The following ASTN2 variants were observed in gnomAD, a reference collection of about 807,000 sequenced individuals.
The protein encoded by ASTN2 is astrotactin-2.
In ASTN2, 54 loss-of-function variants were observed where a neutral mutation model predicts 139.8. The observed-to-expected ratio is 0.39, with a 90% CI of 0.31 to 0.48. The LOEUF is 0.48. Among genes scored for constraint, ASTN2 ranks in the 20% least tolerant of loss-of-function variants. The pLI, the probability that ASTN2 is intolerant of heterozygous loss-of-function variation, is 0.95. For synonymous variants in ASTN2, 756 were observed against 719.5 expected (o/e 1.05, Z -0.81); for missense variants, 1,565 against 1,725.1 (o/e 0.91, Z 1.64).
chr9:116,800,398 C>A (rs1347865901), intron 13 of ASTN2, among the ~76,000 whole-genome samples: 1 of 152,190 alleles, frequency 6.6e-6, no homozygotes, highest in African/African-American at 2.4e-5. Flanking sequence ...TCTTAATGTG[C>A]ACCATGCTTA....
intron 1 of ASTN2, among the ~76,000 whole-genome samples, chr9:117,314,431 C>T (rs960202323): frequency 6.6e-6 from 1 of 151,522 alleles, no homozygotes; most frequent in African/African-American, 2.4e-5. Flanking sequence ...TATAGCCCAC[C>T]CCCCCAATTT....
intron 10 of ASTN2, among the ~76,000 whole-genome samples, chr9:116,942,107 CA>C (rs1158398039): frequency 9.3e-5 from 13 of 139,542 alleles, no homozygotes; most frequent in African/African-American, 3.6e-4. Context: ...CACACACACA[CA>C]CACACACCAC....
rs71379267 is a variant in ASTN2, at chr9:117,144,660, GTTTTTTTTTTTTTTTTTTTT to G, written c.1016-3202_1016-3183del. Among the ~76,000 whole-genome samples the G allele has an allele frequency of 6.1e-3, 475 of 78,338 alleles. 12 individuals are homozygous for G. The highest frequency in any genetic ancestry group is 0.02 in the East Asian group (50 of 2,560). The allele number at this position is 78,338 out of a possible 152,430, so 51.4% of individuals were successfully genotyped here. ...TGACATTTGAGAGGAGTGAACACTA[GTTTTTTTTTTTTTTTTTTTT>G]TTTTTTTTTTTTTTTTTTTGAGATG... is the stretch of plus-strand genomic sequence containing the variant. On this transcript the variant is annotated intron_variant, in intron 3 of 22. Transcript: ENST00000313400.
At chr9:116,527,302 A>G (rs368585748) in intron 19 of ASTN2, among the ~76,000 whole-genome samples, 2 of 152,230 alleles carry the variant, frequency 1.3e-5, no homozygotes, top group South Asian at 2.1e-4. Context: ...TAATATCTAA[A>G]ATATATAAGT....
chr9:117,079,072 A>G (rs1299303716), intron 5 of ASTN2, among the ~76,000 whole-genome samples: 1 of 152,190 alleles, frequency 6.6e-6, no homozygotes, highest in East Asian at 1.9e-4. Context: ...TTTTAAAAAG[A>G]TGGTCGGGTG....
chr9:117,401,789 T>C (rs1830833572), intron 1 of ASTN2, among the ~76,000 whole-genome samples: 1 of 152,212 alleles, frequency 6.6e-6, no homozygotes, highest in African/African-American at 2.4e-5. Flanking sequence ...ACATCTGAAT[T>C]TCATATGATT....
chr9:116,873,789 C>A (rs771882047), intron 10 of ASTN2, among the ~76,000 whole-genome samples: 5 of 152,104 alleles, frequency 3.3e-5, no homozygotes, highest in African/African-American at 1.2e-4. Flanking sequence ...TGAATTCTCA[C>A]GAGATCTGGT....
At chr9:117,125,580 T>C (rs982861394) in intron 4 of ASTN2, among the ~76,000 whole-genome samples, 9 of 152,106 alleles carry the variant, frequency 5.9e-5, no homozygotes, top group African/African-American at 2.2e-4. Flanking sequence ...CCTTTTGGAG[T>C]CTCTCTTGGC....
chr9:116,661,919 G>A (rs1327135048), intron 16 of ASTN2, among the ~76,000 whole-genome samples: 3 of 151,576 alleles, frequency 2.0e-5, no homozygotes, highest in Non-Finnish European at 4.4e-5. Flanking sequence ...TGTAAATGAT[G>A]AGTTAATGGG....
chr9:116,552,610 C>T (rs4836749), intron 19 of ASTN2, among the ~76,000 whole-genome samples: 24,155 of 152,162 alleles, frequency 0.16, 2,086 homozygotes, highest in African/African-American at 0.21. Context: ...CTTATCAGAG[C>T]TCATATATCA....
chr9:116,651,627 G>A lies in ASTN2; in HGVS notation c.2973C>T (p.Arg991=). 1 of 1,614,160 alleles carries A rather than the reference G, an allele frequency of 6.2e-7. No individual in the cohort carries two copies. Among genetic ancestry groups the A allele is most frequent in the Non-Finnish European group, 8.5e-7 (1 of 1,180,028 alleles). ...GGCTCAGCTGCTCCTTGCCTGGCCGGCGGCAAAGGTGACAGGTAGATGGAC... is the reference window on the plus strand; with the variant it reads ...GGCTCAGCTGCTCCTTGCCTGGCCGACGGCAAAGGTGACAGGTAGATGGAC... ...GRCPSTCHLC[R]RPGKEQLSPT... is the part of the protein sequence containing the mutation. Residue 991 remains arginine, a synonymous_variant, in exon 17 of 23, where the codon CGC becomes CGT. Coordinates refer to ENST00000313400, the MANE Select transcript of ASTN2 (RefSeq NM_001365068.1).
intron 4 of ASTN2, among the ~76,000 whole-genome samples, chr9:117,101,711 T>C (rs1828983040): frequency 6.6e-6 from 1 of 152,166 alleles, no homozygotes; most frequent in East Asian, 1.9e-4. Flanking sequence ...TAATCAAAAT[T>C]ACACAAATGG....
At chr9:116,867,735 T>C (rs1055703692) in intron 10 of ASTN2, among the ~76,000 whole-genome samples, 4 of 152,094 alleles carry the variant, frequency 2.6e-5, no homozygotes, top group African/African-American at 9.7e-5. Flanking sequence ...GGATTGATTC[T>C]GCATAAACAT....
chr9:116,960,097 G>T (rs1007605105), intron 10 of ASTN2, among the ~76,000 whole-genome samples: 3 of 152,098 alleles, frequency 2.0e-5, no homozygotes, highest in East Asian at 1.9e-4. Flanking sequence ...GGGAGGGCAG[G>T]GTGTCTCTGG....
intron 5 of ASTN2, among the ~76,000 whole-genome samples, chr9:117,084,203 G>C (rs576038798): frequency 5.9e-5 from 9 of 152,224 alleles, no homozygotes; most frequent in African/African-American, 2.2e-4. Context: ...ATCAAAGCTA[G>C]GTTTCTGTAT....
At chr9:117,270,404 C>T (rs1490631844) in intron 2 of ASTN2, among the ~76,000 whole-genome samples, 1 of 152,216 alleles carries the variant, frequency 6.6e-6, no homozygotes, top group Non-Finnish European at 1.5e-5. Context: ...AATTTAACTA[C>T]TTGAGGTATC....
intron 5 of ASTN2, among the ~76,000 whole-genome samples, chr9:117,093,578 C>T (rs1828760028): frequency 6.6e-6 from 1 of 152,052 alleles, no homozygotes; most frequent in Admixed American, 6.6e-5. Context: ...TGCCTTTTTC[C>T]CATTAAGTCA....
chr9:116,460,584 A>C (rs1311014342), intron 20 of ASTN2, among the ~76,000 whole-genome samples: 1 of 152,128 alleles, frequency 6.6e-6, no homozygotes, highest in Non-Finnish European at 1.5e-5. Context: ...TGTTACTTAT[A>C]GAGGAAATAT....
chr9:117,323,026 T>C (rs766970410), intron 1 of ASTN2, among the ~76,000 whole-genome samples: 6 of 152,056 alleles, frequency 3.9e-5, no homozygotes, highest in Non-Finnish European at 7.4e-5. Flanking sequence ...AATACTACGG[T>C]ATTCCAATTC....
Sources: allele counts gnomAD v4.1 joint callset (sites outside exome capture counted in the v4.1 genomes callset), GRCh38; gene constraint gnomAD v4.1.1; transcripts MANE v1.5; gene names NCBI Gene and HGNC (gene_info 2026-07-23, HGNC 2026-07-21).